The following CAMK4 variants were observed in gnomAD, a reference collection of about 807,000 sequenced individuals.
CAMK4 encodes calcium/calmodulin-dependent protein kinase type IV.
CAMK4 carries 22 observed loss-of-function variants against 44.9 expected under a neutral mutation model. The observed-to-expected ratio is 0.49, with a 90% CI of 0.35 to 0.70. The LOEUF (loss-of-function observed/expected upper bound fraction) is 0.70. CAMK4 is among the 30% of genes least tolerant of loss of function. CAMK4 has a pLI of 0.01. For missense variants in CAMK4, 498 were observed against 586.8 expected, an observed-to-expected ratio of 0.85 and a Z score of 1.56; for synonymous variants, 218 against 215.4, an observed-to-expected ratio of 1.01 and a Z score of -0.11.
intron 1 of CAMK4, among the ~76,000 whole-genome samples, chr5:111,284,295 T>G (rs1751144288): frequency 6.6e-6 from 1 of 152,244 alleles, no homozygotes; most frequent in African/African-American, 2.4e-5. Flanking sequence ...TAAACATTAA[T>G]ATATTCAATC....
chr5:111,262,824 T>C (rs547687485), intron 1 of CAMK4, among the ~76,000 whole-genome samples: 3 of 152,298 alleles, frequency 2.0e-5, no homozygotes, highest in African/African-American at 7.2e-5. Flanking sequence ...GAAATACACT[T>C]CAAAATAAAT....
At chr5:111,401,779 C>G (rs1319814395) in intron 5 of CAMK4, among the ~76,000 whole-genome samples, 2 of 152,060 alleles carry the variant, frequency 1.3e-5, no homozygotes, top group Admixed American at 6.6e-5. Flanking sequence ...AACAGCTACC[C>G]CTAGGACTGG....
intron 7 of CAMK4, among the ~76,000 whole-genome samples, chr5:111,451,475 A>G (rs537824452): frequency 9.2e-5 from 14 of 152,152 alleles, no homozygotes; most frequent in South Asian, 4.1e-4. Context: ...TTTAGTACAG[A>G]TGGGGTTTCG....
chr5:111,340,049 C>T (rs1203568222), intron 1 of CAMK4, among the ~76,000 whole-genome samples: 1 of 151,072 alleles, frequency 6.6e-6, no homozygotes, highest in East Asian at 1.9e-4. Flanking sequence ...AGAAACCCAA[C>T]TGATTTTTTA....
At position 111,489,171 on chromosome 5, in the gene CAMK4, A is replaced by G. The variant is rs1487005717; in HGVS notation, c.*4705A>G. 1.3e-5 allele frequency: 2 copies of G among 152,192 alleles called. No homozygotes were observed. The highest frequency in any genetic ancestry group is 1.3e-4 in the Admixed American group (2 of 15,282). The allele number at this position is 152,192 out of a possible 1,614,324, so 9.4% of individuals were successfully genotyped here. A position where few individuals can be genotyped will look rare whatever the true frequency, so the allele number is the denominator to read the frequency against. Reference sequence around the variant, plus strand: ...CACATGATAAACAGAAATGTACCCAATAATTTCCTATAAAATTTTTCAAAG... The same window carrying G: ...CACATGATAAACAGAAATGTACCCAGTAATTTCCTATAAAATTTTTCAAAG... On this transcript the variant is annotated 3_prime_UTR_variant, in exon 11 of 11. Coordinates refer to ENST00000282356, the MANE Select transcript of CAMK4 (RefSeq NM_001744.6).
chr5:111,396,375 C>T (rs2112865245), intron 5 of CAMK4, among the ~76,000 whole-genome samples: 1 of 152,248 alleles, frequency 6.6e-6, no homozygotes, highest in East Asian at 1.9e-4. Context: ...CATCTTCTCA[C>T]TGTACCCAAA....
intron 4 of CAMK4, 107 bp from the exon 5 acceptor site, chr5:111,394,603 C>T (rs1751927086): frequency 2.9e-6 from 2 of 694,476 alleles, no homozygotes; most frequent in Admixed American, 2.5e-5. Flanking sequence ...TAGCTTGTTT[C>T]AATTGTTTAT....
At chr5:111,397,664 T>TGC (rs1265694285) in intron 5 of CAMK4, among the ~76,000 whole-genome samples, 2 of 126,494 alleles carry the variant, frequency 1.6e-5, no homozygotes, top group African/African-American at 6.4e-5. Flanking sequence ...TGTGTGTGTG[T>TGC]GTGTGTGTGT....
At chr5:111,311,103 C>T (rs188554145) in intron 1 of CAMK4, among the ~76,000 whole-genome samples, 58 of 152,302 alleles carry the variant, frequency 3.8e-4, no homozygotes, top group African/African-American at 1.4e-3. Context: ...ATAGTGAGAG[C>T]ATTACCTGGG....
At chr5:111,263,075 G>C (rs1043646429) in intron 1 of CAMK4, among the ~76,000 whole-genome samples, 2 of 152,230 alleles carry the variant, frequency 1.3e-5, no homozygotes, top group African/African-American at 4.8e-5. Context: ...GAAGAGAAAG[G>C]AAGTAGTAAG....
chr5:111,442,411 C>T (rs537156575), intron 5 of CAMK4, among the ~76,000 whole-genome samples: 2 of 151,960 alleles, frequency 1.3e-5, no homozygotes, highest in South Asian at 2.1e-4. Context: ...GCAGAAGAAT[C>T]GCTTGAACCA....
At chr5:111,443,271 TATATATATACAC>T (rs1163035124) in intron 5 of CAMK4, among the ~76,000 whole-genome samples, 1,310 of 52,852 alleles carry the variant, frequency 0.025, 23 homozygotes, top group African/African-American at 0.078. Flanking sequence ...TATATATATA[TATATATATACAC>T]ACACACACAC....
At chr5:111,318,430 G>T (rs1748525035) in intron 1 of CAMK4, among the ~76,000 whole-genome samples, 1 of 152,174 alleles carries the variant, frequency 6.6e-6, no homozygotes, top group African/African-American at 2.4e-5. Context: ...TCTTAAGACT[G>T]ATTGCCATAG....
intron 5 of CAMK4, among the ~76,000 whole-genome samples, chr5:111,428,705 A>C (rs1286507367): frequency 1.3e-5 from 2 of 152,192 alleles, no homozygotes; most frequent in Non-Finnish European, 2.9e-5. Flanking sequence ...AGAATAAAAA[A>C]CAGTGAAGCA....
At chr5:111,364,145 T>G (rs1750701559) in intron 2 of CAMK4, among the ~76,000 whole-genome samples, 1 of 151,898 alleles carries the variant, frequency 6.6e-6, no homozygotes, top group Non-Finnish European at 1.5e-5. Context: ...AGCAGAGATA[T>G]GCTTTGGAAG....
At chr5:111,362,333 A>G (rs1234123890) in intron 2 of CAMK4, among the ~76,000 whole-genome samples, 1 of 152,072 alleles carries the variant, frequency 6.6e-6, no homozygotes, top group African/African-American at 2.4e-5. Flanking sequence ...GGAATCATTC[A>G]TGTCTAACAT....
At chr5:111,394,894 TTGTG>T (rs1255312460) in intron 5 of CAMK4, 112 bp downstream of exon 5, 5 of 686,524 alleles carry the variant, frequency 7.3e-6, no homozygotes, top group Non-Finnish European at 1.3e-5. Context: ...CAGCATAAAG[TTGTG>T]AAATATTTAT....
intron 2 of CAMK4, among the ~76,000 whole-genome samples, chr5:111,355,403 A>G (rs1215144763): frequency 1.3e-5 from 2 of 152,102 alleles, no homozygotes; most frequent in African/African-American, 4.8e-5. Flanking sequence ...AAGTCAGAAC[A>G]TTCTTCCAGA....
chr5:111,357,095 C>T (rs1280766561), intron 2 of CAMK4, among the ~76,000 whole-genome samples: 2 of 152,024 alleles, frequency 1.3e-5, no homozygotes, highest in East Asian at 3.9e-4. Context: ...AAGCATTGGG[C>T]AATTGGAACT....
Sources: allele counts gnomAD v4.1 joint callset (sites outside exome capture counted in the v4.1 genomes callset), GRCh38; gene constraint gnomAD v4.1.1; transcripts MANE v1.5; gene names NCBI Gene and HGNC (gene_info 2026-07-23, HGNC 2026-07-21).